Variants in AGBL1 observed in about 807,000 individuals in gnomAD.
The protein encoded by AGBL1 is AGBL carboxypeptidase 1, also known as cytosolic carboxypeptidase 4.
Under a neutral mutation model 118.9 loss-of-function variants are expected in AGBL1, and 130 were observed. The observed-to-expected ratio is 1.09, with a 90% CI of 0.95 to 1.26. The LOEUF (loss-of-function observed/expected upper bound fraction) is 1.26. Ranked by LOEUF, AGBL1 falls within the 50% of genes most tolerant of loss-of-function variation. The pLI is 0.00. For synonymous variants in AGBL1, 555 were observed against 478.9 expected (o/e 1.16, Z -2.08); for missense variants, 1,584 against 1,298.1 (o/e 1.22, Z -3.38).
intron 22 of AGBL1, among the ~76,000 whole-genome samples, chr15:86,781,502 T>C (rs1390375217): frequency 1.3e-5 from 2 of 152,154 alleles, no homozygotes; most frequent in Non-Finnish European, 2.9e-5. Context: ...AACCAGTAAT[T>C]ATCATTATGA....
rs772415359 is a variant in AGBL1, at chr15:86,666,397, T to C, written c.2995-7876T>C. On this transcript the variant is annotated intron_variant, in intron 21 of 22. Transcript: ENST00000614907. ...TTTGTAACCTGTCTATTTACTCAAT[T>C]GTTGCCCTATCTCTAATAAATTTTG... 2.7e-4 allele frequency among the ~76,000 whole-genome samples: 41 copies of C among 152,214 alleles called. 1 individual carries two copies. Among genetic ancestry groups the C allele is most frequent in the South Asian group, 6.2e-4 (3 of 4,832 alleles).
intron 22 of AGBL1, among the ~76,000 whole-genome samples, chr15:86,760,571 T>C (rs2078009494): frequency 6.6e-6 from 1 of 152,072 alleles, no homozygotes; most frequent in Non-Finnish European, 1.5e-5. Context: ...TAAATGGACC[T>C]ATGTAAAAAC....
chr15:86,393,817 T>G (rs1173810857), intron 17 of AGBL1, among the ~76,000 whole-genome samples: 1 of 152,180 alleles, frequency 6.6e-6, no homozygotes, highest in Non-Finnish European at 1.5e-5. Context: ...AGTGATGGTG[T>G]CAGAAGGTGG....
At chr15:86,825,330 A>G (rs939576889) in intron 22 of AGBL1, among the ~76,000 whole-genome samples, 1 of 142,576 alleles carries the variant, frequency 7.0e-6, no homozygotes, top group Non-Finnish European at 1.5e-5. Context: ...TCAATATTAA[A>G]CACTTTCTTT....
At chr15:86,417,980 T>C (rs2081721618) in intron 18 of AGBL1, among the ~76,000 whole-genome samples, 2 of 152,198 alleles carry the variant, frequency 1.3e-5, no homozygotes, top group South Asian at 4.1e-4. Flanking sequence ...AACCTGAAAG[T>C]ATCTTGCTGT....
chr15:86,211,262 G>A (rs1374549329), intron 5 of AGBL1, among the ~76,000 whole-genome samples: 2 of 152,218 alleles, frequency 1.3e-5, no homozygotes, highest in African/African-American at 4.8e-5. Context: ...CCCCTACTGG[G>A]AGGTGTCTCC....
At chr15:86,772,600 G>A (rs1342436700) in intron 22 of AGBL1, among the ~76,000 whole-genome samples, 1 of 152,016 alleles carries the variant, frequency 6.6e-6, no homozygotes, top group Non-Finnish European at 1.5e-5. Flanking sequence ...AGAGAAGAGG[G>A]CCTGTGGCTG....
At chr15:86,107,739 C>G (rs1375584802) in intron 1 of AGBL1, 5 of 152,164 alleles carry the variant, frequency 3.3e-5, no homozygotes, top group African/African-American at 9.7e-5. Flanking sequence ...TTGGGTAGGG[C>G]TCAGTGAGGC....
chr15:86,945,768 G>A (rs546242953), intron 23 of AGBL1, among the ~76,000 whole-genome samples: 2 of 152,338 alleles, frequency 1.3e-5, no homozygotes, highest in East Asian at 3.9e-4. Flanking sequence ...GTGCGTGTAT[G>A]TATGTTTTCT....
chr15:86,970,344 T>A (rs562224642), intron 23 of AGBL1, among the ~76,000 whole-genome samples: 22 of 152,102 alleles, frequency 1.4e-4, no homozygotes, highest in Non-Finnish European at 2.4e-4. Context: ...TTAGAAGTCA[T>A]TATTGCTTAT....
At chr15:86,985,356 C>T (rs2081271432) in intron 23 of AGBL1, among the ~76,000 whole-genome samples, 1 of 152,156 alleles carries the variant, frequency 6.6e-6, no homozygotes, top group African/African-American at 2.4e-5. Context: ...CCCCTACCAG[C>T]AATGTATGAG....
At chr15:86,180,735 G>T (rs530868889) in intron 5 of AGBL1, among the ~76,000 whole-genome samples, 13 of 151,982 alleles carry the variant, frequency 8.6e-5, no homozygotes, top group Non-Finnish European at 1.9e-4. Context: ...TGAAGACACA[G>T]GCTACACACT....
rs1041437212 is a variant in AGBL1, at chr15:86,341,823, G to A, written c.2374+46415G>A. ...TGTTACTTGTGAGTAGGCCACTTGA[G>A]TCATTGCTTTAAGGAGGAAGGAACA... On this transcript the variant is annotated intron_variant, in intron 17 of 22. Transcript: ENST00000614907. Among the ~76,000 whole-genome samples the A allele has an allele frequency of 2.0e-5, 3 of 152,152 alleles. No individual in the cohort carries two copies. In the South Asian group the frequency reaches 6.2e-4, roughly 32 times the overall value.
At chr15:86,937,152 A>G (rs1468544585) in intron 23 of AGBL1, among the ~76,000 whole-genome samples, 2 of 152,216 alleles carry the variant, frequency 1.3e-5, no homozygotes, top group African/African-American at 4.8e-5. Context: ...TCTGAAAGTA[A>G]CAGATGCTAG....
intron 24 of AGBL1, among the ~76,000 whole-genome samples, chr15:87,010,095 G>C (rs1023627180): frequency 1.3e-5 from 2 of 152,054 alleles, no homozygotes; most frequent in African/African-American, 4.8e-5. Context: ...GGCCAGGGGT[G>C]GAATGATATG....
intron 4 of AGBL1, among the ~76,000 whole-genome samples, chr15:86,155,182 G>A (rs148657745): frequency 6.3e-4 from 96 of 152,222 alleles, no homozygotes; most frequent in African/African-American, 2.2e-3. Context: ...AAAGAGTAAA[G>A]CAGGGCCAGG....
intron 1 of AGBL1, among the ~76,000 whole-genome samples, chr15:86,103,831 C>T (rs189071122): frequency 1.5e-4 from 23 of 152,244 alleles, no homozygotes; most frequent in Admixed American, 7.2e-4. Context: ...GTTCTTGGGT[C>T]GCCAGGTGGC....
chr15:86,452,723 G>A (rs1427542935), intron 18 of AGBL1, among the ~76,000 whole-genome samples: 3 of 152,118 alleles, frequency 2.0e-5, no homozygotes, highest in Non-Finnish European at 4.4e-5. Context: ...TCCCTAAGAC[G>A]TGATCCTGCT....
intron 17 of AGBL1, among the ~76,000 whole-genome samples, chr15:86,364,665 T>C (rs1490002622): frequency 6.6e-6 from 1 of 152,156 alleles, no homozygotes; most frequent in Non-Finnish European, 1.5e-5. Context: ...TACAACTGTA[T>C]TTATTTCTTA....
Sources: gnomAD v4.1 joint callset for allele counts (sites outside exome capture counted in the v4.1 genomes callset) on GRCh38, gnomAD v4.1.1 for gene constraint, MANE v1.5 for transcripts, NCBI Gene and HGNC (gene_info 2026-07-23, HGNC 2026-07-21) for gene names.